The following WDFY3 variants were observed in gnomAD, a reference collection of about 807,000 sequenced individuals.
WDFY3 encodes WD repeat and FYVE domain containing 3, also known as WD repeat and FYVE domain-containing protein 3.
In WDFY3, 66 loss-of-function variants were observed where a neutral mutation model predicts 409.6. That is an observed-to-expected ratio of 0.16 (90% CI 0.13 to 0.20). The LOEUF (loss-of-function observed/expected upper bound fraction) is 0.20, where lower values mean the gene tolerates loss of function less well. Ranked by LOEUF, WDFY3 falls within the 10% of genes least tolerant of loss-of-function variation. WDFY3 has a pLI of 1.00. For synonymous variants in WDFY3, 1,521 were observed against 1,537.1 expected (o/e 0.99, Z 0.25); for missense variants, 3,031 against 4,298.1 (o/e 0.71, Z 8.24).
At chr4:84,947,583 T>A (rs1248674129) in intron 1 of WDFY3, among the ~76,000 whole-genome samples, 1 of 148,556 alleles carries the variant, frequency 6.7e-6, no homozygotes, top group Non-Finnish European at 1.5e-5. Context: ...TAAAAATTCC[T>A]GCTAGGCTGG....
chr4:84,861,190 G>A (rs939835974), intron 3 of WDFY3, among the ~76,000 whole-genome samples: 7 of 152,124 alleles, frequency 4.6e-5, no homozygotes, highest in African/African-American at 1.7e-4. Flanking sequence ...CAGCTTGGGT[G>A]ACAGAGACTC....
intron 3 of WDFY3, among the ~76,000 whole-genome samples, chr4:84,869,937 C>CTCT (rs1347474650): frequency 6.6e-6 from 1 of 152,158 alleles, no homozygotes; most frequent in East Asian, 1.9e-4. Context: ...AATAGGATTT[C>CTCT]TCTTCATAGA....
At position 84,795,000 on chromosome 4, in the gene WDFY3, T is replaced by C. The variant is rs368939281; in HGVS notation, c.3168-21A>G. 18 of 1,497,542 alleles carry C rather than the reference T, an allele frequency of 1.2e-5. No individual in the cohort carries two copies. In the African/African-American group the frequency reaches 2.0e-4, roughly 16 times the overall value. 92.8% of individuals were successfully genotyped at this position (1,497,542 alleles called of 1,614,324 possible). On this transcript the variant is annotated intron_variant, in intron 19 of 67. Transcript: ENST00000295888. The stretch of plus-strand genomic sequence containing the variant: ...GACATCTATTAAAGAAAAGACAACA[T>C]ACATATTAGAGATCAATGACTCCTT...
intron 21 of WDFY3, among the ~76,000 whole-genome samples, chr4:84,794,116 G>A (rs915427117): frequency 2.0e-5 from 3 of 152,234 alleles, no homozygotes; most frequent in Non-Finnish European, 4.4e-5. Context: ...GAAGGTAAGT[G>A]ATGGATAAGG....
intron 26 of WDFY3, among the ~76,000 whole-genome samples, chr4:84,778,889 A>G (rs898773492): frequency 6.6e-6 from 1 of 152,198 alleles, no homozygotes; most frequent in Non-Finnish European, 1.5e-5. Context: ...ACATTCTATT[A>G]AAATATCCAC....
chr4:84,808,416 G>A lies in WDFY3; in HGVS notation c.2347C>T (p.Arg783Cys), dbSNP rs775542349. ...AGGCAAGGAGGGATCTGTTCTGCAC[G>A]ACTACAGACAACAAAACAGACAGGG... Reference protein sequence around the residue: ...YKVATDSFDSRAEQIPPCLTS... With the variant: ...YKVATDSFDSCAEQIPPCLTS... Residue 783 changes from arginine (R) to cysteine (C), a missense_variant and splice_region_variant, in exon 15 of 68, where the codon CGT (arginine) becomes TGT (cysteine). Physicochemically the swap from Arg to Cys is radical, Grantham distance 180. Around this residue, in one of 16 missense-constraint regions of WDFY3, gnomAD observed 1,322 missense variants for 1,697.9 expected, o/e 0.78. Transcript: ENST00000295888. The A allele has an allele frequency of 1.4e-5, 22 of 1,613,082 alleles. No homozygotes were observed. Among genetic ancestry groups the A allele is most frequent in the African/African-American group, 1.2e-4 (9 of 74,906 alleles).
intron 3 of WDFY3, among the ~76,000 whole-genome samples, chr4:84,887,864 G>A (rs1018237007): frequency 2.0e-5 from 3 of 152,178 alleles, no homozygotes; most frequent in Admixed American, 2.0e-4. Flanking sequence ...ACCAAAGATA[G>A]TACTATTTGT....
intron 47 of WDFY3, among the ~76,000 whole-genome samples, chr4:84,719,116 G>T (rs1455185828): frequency 6.6e-6 from 1 of 152,142 alleles, no homozygotes; most frequent in African/African-American, 2.4e-5. Flanking sequence ...AAAAATAAGT[G>T]AGATAATGTA....
At chr4:84,820,725 A>G (rs1163618052) in intron 11 of WDFY3, among the ~76,000 whole-genome samples, 2 of 152,138 alleles carry the variant, frequency 1.3e-5, no homozygotes, top group Non-Finnish European at 1.5e-5. Context: ...ACATTTAACT[A>G]TATTTATTAG....
intron 3 of WDFY3, among the ~76,000 whole-genome samples, chr4:84,861,429 T>C (rs1760613205): frequency 6.6e-6 from 1 of 152,166 alleles, no homozygotes; most frequent in African/African-American, 2.4e-5. Flanking sequence ...ATACTTTGAG[T>C]ACATGAAGAA....
Position 84,690,622 on chromosome 4 carries a change from G to C in WDFY3, c.9247C>G (p.Leu3083Val). The C allele has an allele frequency of 6.2e-7, 1 of 1,614,072 alleles. No homozygotes were observed. The highest frequency in any genetic ancestry group is 2.2e-5 in the East Asian group (1 of 44,872). Residue 3083 changes from leucine to valine, a missense_variant, in exon 61 of 68, where the codon CTC (leucine) becomes GTC (valine). This residue lies in a region of WDFY3 where 152 missense variants were observed against 193.5 expected (regional missense o/e 0.79). Transcript: ENST00000295888. ...YECLSEWGQI[L>V]CAICPNPKLV... ...TTGGGGTTGGGGCAGATTGCACAGA[G>C]AATCTGGCCCCACTCAGACAAGCAT...
intron 5 of WDFY3, among the ~76,000 whole-genome samples, chr4:84,842,381 G>A (rs1757487399): frequency 6.6e-6 from 1 of 151,976 alleles, no homozygotes; most frequent in Non-Finnish European, 1.5e-5. Context: ...GGAGGCTGAG[G>A]CAGGAGAATC....
At chr4:84,778,781 T>C in intron 26 of WDFY3, 126 bp from the exon 27 acceptor site, 1 of 785,368 alleles carries the variant, frequency 1.3e-6, no homozygotes, top group Non-Finnish European at 1.8e-6. Flanking sequence ...ACACACAGAA[T>C]CCTATGTAGA....
At chr4:84,893,221 T>C (rs997765094) in intron 3 of WDFY3, among the ~76,000 whole-genome samples, 1 of 152,026 alleles carries the variant, frequency 6.6e-6, no homozygotes, top group South Asian at 2.1e-4. Flanking sequence ...CACTCTTTTC[T>C]GCAAAAAAAA....
At chr4:84,964,688 AT>A (rs111651705) in intron 1 of WDFY3, among the ~76,000 whole-genome samples, 1,639 of 147,550 alleles carry the variant, frequency 0.011, 27 homozygotes, top group African/African-American at 0.036. Flanking sequence ...TTTTTGAAAC[AT>A]TTTTTTTTTT....
At chr4:84,800,209 C>A (rs916927542) in intron 17 of WDFY3, among the ~76,000 whole-genome samples, 2 of 152,116 alleles carry the variant, frequency 1.3e-5, no homozygotes, top group African/African-American at 4.8e-5. Flanking sequence ...TTTCTTAATC[C>A]ACAATCAGTT....
intron 62 of WDFY3, among the ~76,000 whole-genome samples, chr4:84,686,129 C>A (rs1728276511): frequency 6.6e-6 from 1 of 152,072 alleles, no homozygotes. Flanking sequence ...CACGGTGAAA[C>A]CCCGTCTCTA....
chr4:84,789,767 C>A lies in WDFY3; in HGVS notation c.3628G>T (p.Ala1210Ser), dbSNP rs1201990016. ...MSKGMLKNST[A>S]ALYIDGQLVN... The stretch of plus-strand genomic sequence containing the variant: ...AGCTGTCCATCAATATAAAGGGCTG[C>A]AGTACTGTTTTTCAACATGCCTTTG... Residue 1210 changes from alanine (A) to serine (S), a missense_variant, in exon 22 of 68, where the codon GCA becomes TCA. Physicochemically the swap from Ala to Ser is moderately conservative, Grantham distance 99 (BLOSUM62 1). This residue lies in a region of WDFY3 where 1,322 missense variants were observed against 1,697.9 expected (regional missense o/e 0.78). Coordinates refer to ENST00000295888, the MANE Select transcript of WDFY3 (RefSeq NM_014991.6). 6.2e-7 allele frequency: 1 copy of A among 1,613,778 alleles called. No individual in the cohort carries two copies. The highest frequency in any genetic ancestry group is 8.5e-7 in the Non-Finnish European group (1 of 1,180,002).
intron 11 of WDFY3, 65 bp from the exon 12 acceptor site, chr4:84,820,251 T>C: frequency 1.5e-6 from 2 of 1,294,050 alleles, no homozygotes; most frequent in Non-Finnish European, 2.2e-6. Context: ...GATTCCGTTT[T>C]ACTGTAATAA....
Sources: allele counts gnomAD v4.1 joint callset (sites outside exome capture counted in the v4.1 genomes callset), GRCh38; gene constraint gnomAD v4.1.1; regional missense constraint gnomAD v4.1.1; transcripts MANE v1.5; gene names NCBI Gene and HGNC (gene_info 2026-07-23, HGNC 2026-07-21).